Variants in PTPRQ observed in about 807,000 individuals in gnomAD.
The protein encoded by PTPRQ is phosphatidylinositol phosphatase PTPRQ.
Under a neutral mutation model 246.0 loss-of-function variants are expected in PTPRQ, and 199 were observed. That is an observed-to-expected ratio of 0.81 (90% confidence interval 0.72 to 0.91). The LOEUF (loss-of-function observed/expected upper bound fraction) is 0.91, where lower values mean the gene tolerates loss of function less well. Among genes scored for constraint, PTPRQ ranks in the 40% least tolerant of loss-of-function variants. The pLI is 0.00. For synonymous variants in PTPRQ, 869 were observed against 853.2 expected (o/e 1.02, Z -0.32); for missense variants, 2,624 against 2,528.4 (o/e 1.04, Z -0.81).
chr12:80,505,620 C>T (rs10778756), intron 14 of PTPRQ, among the ~76,000 whole-genome samples: 48,683 of 151,700 alleles, frequency 0.32, 9,072 homozygotes, highest in African/African-American at 0.51. Context: ...TGCCTTGTCA[C>T]AGACCTTGCT....
chr12:80,485,770 A>T (rs996601207), intron 9 of PTPRQ, among the ~76,000 whole-genome samples: 2 of 152,178 alleles, frequency 1.3e-5, no homozygotes, highest in Non-Finnish European at 2.9e-5. Flanking sequence ...CTTAAATTAG[A>T]TACTGAGCTT....
chr12:80,481,269 A>G (rs1894043426), intron 8 of PTPRQ, among the ~76,000 whole-genome samples: 1 of 152,236 alleles, frequency 6.6e-6, no homozygotes, highest in Non-Finnish European at 1.5e-5. Context: ...ACCAAAGACA[A>G]AAATCACATG....
At chr12:80,578,993 T>C (rs1264860237) in intron 25 of PTPRQ, among the ~76,000 whole-genome samples, 9 of 152,156 alleles carry the variant, frequency 5.9e-5, no homozygotes, top group Non-Finnish European at 1.2e-4. Context: ...CTGGGTTCAT[T>C]CCATTTGTTT....
At chr12:80,628,250 TTTTTTAAA>T (rs1899281500) in intron 33 of PTPRQ, among the ~76,000 whole-genome samples, 1 of 152,140 alleles carries the variant, frequency 6.6e-6, no homozygotes, top group African/African-American at 2.4e-5. Context: ...TGCTTTCTCA[TTTTTTAAA>T]TTTAGCAGGA....
At chr12:80,462,440 A>T (rs1224702574) in intron 6 of PTPRQ, 3 of 164,242 alleles carry the variant, frequency 1.8e-5, no homozygotes, top group Non-Finnish European at 4.0e-5. Context: ...GGGGCAGGGC[A>T]CAGACAAACA....
chr12:80,672,920 G>A lies in PTPRQ; in HGVS notation c.6603-249G>A, dbSNP rs74237241. ...CACCCTAAAATATTAAGAAATAAGA[G>A]GTTAAGTTCCACTGATTAAAGAAAG... On this transcript the variant is annotated intron_variant, in intron 42 of 44. Transcript: ENST00000644991. Among the ~76,000 whole-genome samples, 98 of 152,044 alleles carry A rather than the reference G, an allele frequency of 6.4e-4. No individual in the cohort carries two copies. The East Asian group carries it at 0.016, about 25-fold the overall frequency.
At chr12:80,557,238 A>T (rs574167333) in intron 25 of PTPRQ, among the ~76,000 whole-genome samples, 4 of 152,068 alleles carry the variant, frequency 2.6e-5, no homozygotes, top group Admixed American at 1.3e-4. Context: ...TTTATGCTCA[A>T]ATGCTACCTC....
At chr12:80,604,092 A>G (rs1898231154) in intron 26 of PTPRQ, among the ~76,000 whole-genome samples, 2 of 151,594 alleles carry the variant, frequency 1.3e-5, no homozygotes, top group Admixed American at 6.6e-5. Flanking sequence ...GAGGAAAGGA[A>G]TATTTCATCT....
rs561386232 is a variant in PTPRQ, at chr12:80,649,599, A to G, written c.5954A>G (p.Lys1985Arg). Residue 1985 changes from lysine to arginine, a missense_variant, in exon 37 of 45, where the codon AAG becomes AGG. By Grantham distance (26) the Lys-to-Arg change is conservative. Transcript: ENST00000644991. ...SYRKSIKPIS[K>R]KSFLQHVEEL... ...TTCTTTACTTGGAGGCCAATAAGCAAGAAATCCTTCCTGCAACATGTTGAA... is the reference window on the plus strand; with the variant it reads ...TTCTTTACTTGGAGGCCAATAAGCAGGAAATCCTTCCTGCAACATGTTGAA... 6.5e-7 allele frequency: 1 copy of G among 1,549,750 alleles called. No homozygotes were observed. The highest frequency in any genetic ancestry group is 8.7e-7 in the Non-Finnish European group (1 of 1,145,760).
At chr12:80,532,519 C>A in intron 17 of PTPRQ, among the ~76,000 whole-genome samples, 1 of 152,118 alleles carries the variant, frequency 6.6e-6, no homozygotes, top group East Asian at 1.9e-4. Flanking sequence ...CCACACTCGT[C>A]TTAATTGCAT....
intron 9 of PTPRQ, among the ~76,000 whole-genome samples, chr12:80,489,863 G>A (rs1894390472): frequency 6.6e-6 from 1 of 151,952 alleles, no homozygotes; most frequent in Admixed American, 6.6e-5. Context: ...TTAGAAACCT[G>A]AGACATTTTT....
chr12:80,459,808 G>A (rs1021386380), intron 5 of PTPRQ, among the ~76,000 whole-genome samples: 4 of 152,116 alleles, frequency 2.6e-5, no homozygotes, highest in African/African-American at 9.7e-5. Flanking sequence ...ATTTTGTGAT[G>A]GTGGCATTCC....
chr12:80,594,169 A>G (rs1406642309), intron 26 of PTPRQ, among the ~76,000 whole-genome samples: 2 of 152,194 alleles, frequency 1.3e-5, no homozygotes, highest in African/African-American at 4.8e-5. Context: ...GTTACTAAAT[A>G]TCAGTTGTTT....
At chr12:80,498,366 C>T (rs4271444) in intron 14 of PTPRQ, among the ~76,000 whole-genome samples, 129,362 of 151,978 alleles carry the variant, frequency 0.85, 55,909 homozygotes, top group Non-Finnish European at 0.93. Flanking sequence ...CTAAGTCTAA[C>T]GAAAAATGGA....
At chr12:80,633,533 T>G (rs956266122) in intron 34 of PTPRQ, among the ~76,000 whole-genome samples, 6 of 152,252 alleles carry the variant, frequency 3.9e-5, no homozygotes, top group African/African-American at 1.4e-4. Context: ...TAAAGTAAAC[T>G]TTCTACCAAT....
At chr12:80,523,559 G>T (rs1052385566) in intron 17 of PTPRQ, among the ~76,000 whole-genome samples, 9 of 152,100 alleles carry the variant, frequency 5.9e-5, no homozygotes, top group African/African-American at 2.2e-4. Context: ...ATTCTGGTAT[G>T]TTGTGTCTTT....
At chr12:80,482,340 G>A (rs956591660) in intron 8 of PTPRQ, among the ~76,000 whole-genome samples, 3 of 151,970 alleles carry the variant, frequency 2.0e-5, no homozygotes, top group Non-Finnish European at 4.4e-5. Context: ...AGCTGAAACT[G>A]GATCCCTTCC....
At chr12:80,451,347 T>G (rs1178823239) in intron 3 of PTPRQ, among the ~76,000 whole-genome samples, 1 of 116,012 alleles carries the variant, frequency 8.6e-6, no homozygotes, top group Non-Finnish European at 1.7e-5. Flanking sequence ...ATTCATTAAT[T>G]TTTTGAAGGG....
At chr12:80,525,773 C>T (rs1234398747) in intron 17 of PTPRQ, 1 of 151,576 alleles carries the variant, frequency 6.6e-6, no homozygotes, top group African/African-American at 2.4e-5. Flanking sequence ...CTTAGTTCTC[C>T]CTCCCTAAAT....
Sources: allele counts gnomAD v4.1 joint callset (sites outside exome capture counted in the v4.1 genomes callset), GRCh38; gene constraint gnomAD v4.1.1; transcripts MANE v1.5; gene names NCBI Gene and HGNC (gene_info 2026-07-23, HGNC 2026-07-21).